LINGO2: variants seen among roughly 807,000 people sequenced by gnomAD.
LINGO2 encodes the protein leucine rich repeat and Ig domain containing 2, also known as leucine-rich repeat and immunoglobulin-like domain-containing nogo receptor-interacting protein 2.
A neutral mutation model predicts 30.6 loss-of-function variants in LINGO2; 14 were observed. The ratio of observed to expected loss-of-function variants is 0.46; its 90% CI spans 0.30 to 0.72. The LOEUF (loss-of-function observed/expected upper bound fraction) is 0.72. LINGO2 is among the 30% of genes least tolerant of loss of function. The pLI, the probability that LINGO2 is intolerant of heterozygous loss-of-function variation, is 0.07. For synonymous variants in LINGO2, 317 were observed against 288.5 expected, an observed-to-expected ratio of 1.10 and a Z score of -1.00; for missense variants, 729 against 751.7, an observed-to-expected ratio of 0.97 and a Z score of 0.35.
chr9:27,978,832 T>C lies in LINGO2; in HGVS notation c.-35-28126A>G, dbSNP rs148777096. Reference sequence around the variant, plus strand: ...CATTTTACTACAGCTAATGTTGCAATGTTGAAAAATGGAAAATACAGAAAA... The same window carrying C: ...CATTTTACTACAGCTAATGTTGCAACGTTGAAAAATGGAAAATACAGAAAA... On this transcript the variant is annotated intron_variant, in intron 5 of 5. Transcript: ENST00000379992. Among the ~76,000 whole-genome samples the C allele has an allele frequency of 7.9e-3, 1,204 of 152,134 alleles. 17 individuals are homozygous for C. The highest frequency in any genetic ancestry group is 0.027 in the African/African-American group (1,135 of 41,546).
intron 4 of LINGO2, among the ~76,000 whole-genome samples, chr9:28,084,985 C>T (rs1290529196): frequency 2.0e-5 from 3 of 152,086 alleles, no homozygotes; most frequent in Non-Finnish European, 4.4e-5. Context: ...ATATAAGGTA[C>T]TCTATGAGCA....
intron 2 of LINGO2, among the ~76,000 whole-genome samples, chr9:28,425,110 C>T (rs1030603329): frequency 6.6e-6 from 1 of 151,518 alleles, no homozygotes; most frequent in Non-Finnish European, 1.5e-5. Context: ...ATAATTAATA[C>T]ATAATTTTCA....
chr9:28,909,387 A>C, the LINGO2 span, among the ~76,000 whole-genome samples: 3 of 151,958 alleles, frequency 2.0e-5, no homozygotes, highest in Non-Finnish European at 2.9e-5. Context: ...ATATAAAGTA[A>C]TTCTATAATG....
At chr9:28,967,640 C>T in the LINGO2 span, among the ~76,000 whole-genome samples, 1 of 152,038 alleles carries the variant, frequency 6.6e-6, no homozygotes, top group Admixed American at 6.6e-5. Flanking sequence ...TTCCCCCTGG[C>T]AACAAGATTG....
the LINGO2 span, among the ~76,000 whole-genome samples, chr9:29,030,358 A>G: frequency 6.6e-6 from 1 of 152,252 alleles, no homozygotes; most frequent in Admixed American, 6.5e-5. Flanking sequence ...GAAAAGTTGG[A>G]AAAATAACAG....
the LINGO2 span, among the ~76,000 whole-genome samples, chr9:28,980,653 G>C: frequency 6.6e-6 from 1 of 152,146 alleles, no homozygotes; most frequent in East Asian, 1.9e-4. Context: ...AAATGGCCCT[G>C]TCTCTCTTCT....
chr9:28,477,686 T>C (rs1358611646), intron 1 of LINGO2, among the ~76,000 whole-genome samples: 1 of 152,198 alleles, frequency 6.6e-6, no homozygotes, highest in Non-Finnish European at 1.5e-5. Flanking sequence ...ATCTATCCCT[T>C]AGAATATAGC....
At chr9:29,009,531 G>C in the LINGO2 span, among the ~76,000 whole-genome samples, 1 of 151,964 alleles carries the variant, frequency 6.6e-6, no homozygotes, top group Non-Finnish European at 1.5e-5. Flanking sequence ...AAATAAAAGA[G>C]GACACAAACA....
intron 1 of LINGO2, among the ~76,000 whole-genome samples, chr9:28,587,656 A>C (rs910301356): frequency 6.6e-6 from 1 of 151,868 alleles, no homozygotes; most frequent in Middle Eastern, 3.4e-3. Context: ...CAAAGAACAA[A>C]GCAAAGGTCA....
chr9:27,987,941 G>A (rs116678129), intron 5 of LINGO2, among the ~76,000 whole-genome samples: 8,371 of 152,066 alleles, frequency 0.055, 740 homozygotes, highest in African/African-American at 0.19. Flanking sequence ...CCATGTTGGC[G>A]TGCTGCATCC....
chr9:28,790,325 CT>C, the LINGO2 span, among the ~76,000 whole-genome samples: 186 of 106,266 alleles, frequency 1.8e-3, no homozygotes, highest in South Asian at 9.2e-3. Flanking sequence ...TCTTTTCTTT[CT>C]TTTTTTTTTT....
chr9:28,234,546 C>G (rs1821489283), intron 4 of LINGO2, among the ~76,000 whole-genome samples: 2 of 152,178 alleles, frequency 1.3e-5, no homozygotes, highest in Admixed American at 6.5e-5. Context: ...TCATCAGCTA[C>G]CAGCATGGCT....
At chr9:28,791,005 T>C in the LINGO2 span, among the ~76,000 whole-genome samples, 4 of 152,164 alleles carry the variant, frequency 2.6e-5, no homozygotes, top group African/African-American at 9.6e-5. Flanking sequence ...TGCTTACAGT[T>C]TCCAAAGTTT....
chr9:28,753,893 A>G, the LINGO2 span, among the ~76,000 whole-genome samples: 1 of 151,998 alleles, frequency 6.6e-6, no homozygotes, highest in African/African-American at 2.4e-5. Flanking sequence ...TATCCAGTAA[A>G]TGGAAAATTA....
chr9:28,616,747 G>A (rs1826147405), intron 1 of LINGO2, among the ~76,000 whole-genome samples: 1 of 152,152 alleles, frequency 6.6e-6, no homozygotes, highest in Admixed American at 6.6e-5. Flanking sequence ...CGGTTATCTA[G>A]GCCAGAAACA....
intron 5 of LINGO2, among the ~76,000 whole-genome samples, chr9:27,955,912 A>G (rs1587530046): frequency 6.8e-6 from 1 of 146,614 alleles, no homozygotes; most frequent in African/African-American, 2.5e-5. Context: ...TGTGTTCCAT[A>G]TCCCCTTCGA....
chr9:28,232,052 C>G (rs1043648854), intron 4 of LINGO2, among the ~76,000 whole-genome samples: 6 of 152,054 alleles, frequency 3.9e-5, no homozygotes, highest in African/African-American at 9.7e-5. Context: ...CTCTCTAAAA[C>G]TATGTCTCTT....
the LINGO2 span, among the ~76,000 whole-genome samples, chr9:29,179,464 G>T: frequency 2.6e-5 from 4 of 152,076 alleles, no homozygotes; most frequent in East Asian, 5.8e-4. Context: ...GAGTGCAGTG[G>T]TGCAATCTCG....
chr9:28,100,938 T>A (rs1433637468), intron 4 of LINGO2, among the ~76,000 whole-genome samples: 2 of 152,092 alleles, frequency 1.3e-5, no homozygotes, highest in East Asian at 1.9e-4. Flanking sequence ...TAGAGGGTCA[T>A]TGCATCGGTC....
Sources: gnomAD v4.1 joint callset for allele counts (sites outside exome capture counted in the v4.1 genomes callset) on GRCh38, gnomAD v4.1.1 for gene constraint, MANE v1.5 for transcripts, NCBI Gene and HGNC (gene_info 2026-07-23, HGNC 2026-07-21) for gene names.